CCDC12: variants seen among roughly 807,000 people sequenced by gnomAD.
CCDC12 encodes the protein coiled-coil domain containing 12.
CCDC12 carries 28 observed loss-of-function variants against 25.7 expected under a neutral mutation model. The observed-to-expected ratio is 1.09, with a 90% CI of 0.81 to 1.50. The LOEUF (loss-of-function observed/expected upper bound fraction) is 1.50, where lower values mean the gene tolerates loss of function less well. Among genes scored for constraint, CCDC12 ranks in the 40% most tolerant of loss-of-function variants. The probability of loss-of-function intolerance (pLI) is 0.00; values close to 1 mark genes in which losing one functional copy is unlikely to be tolerated. For missense variants in CCDC12, 198 were observed against 210.0 expected, an observed-to-expected ratio of 0.94 and a Z score of 0.35; for synonymous variants, 75 against 87.7, an observed-to-expected ratio of 0.86 and a Z score of 0.81.
At chr3:46,966,495 G>A (rs376283817) in intron 1 of CCDC12, among the ~76,000 whole-genome samples, 406 of 151,838 alleles carry the variant, frequency 2.7e-3, no homozygotes, top group Non-Finnish European at 4.9e-3. Context: ...CAGCCTGGGC[G>A]ACAGAGTGAG....
chr3:46,923,122 G>GCCTGAGCCCCACT, intron 5 of CCDC12: 1 of 453,690 alleles, frequency 2.2e-6, no homozygotes, highest in Non-Finnish European at 3.6e-6. Context: ...TGCTCCCCGC[G>GCCTGAGCCCCACT]CCTGAGCCCC....
chr3:46,932,615 T>C (rs2033274846), intron 2 of CCDC12, among the ~76,000 whole-genome samples: 3 of 152,182 alleles, frequency 2.0e-5, no homozygotes, highest in African/African-American at 7.2e-5. Context: ...ACAAGGTCTA[T>C]TGGAGCACAT....
At chr3:46,968,455 T>C (rs1199620661) in intron 1 of CCDC12, among the ~76,000 whole-genome samples, 2 of 152,126 alleles carry the variant, frequency 1.3e-5, no homozygotes, top group Non-Finnish European at 1.5e-5. Flanking sequence ...GGCATCCACG[T>C]TTATAAAAGG....
At chr3:46,928,458 CTG>C (rs970780815) in intron 2 of CCDC12, among the ~76,000 whole-genome samples, 8 of 152,142 alleles carry the variant, frequency 5.3e-5, no homozygotes, top group Non-Finnish European at 8.8e-5. Flanking sequence ...GCAAAAATAA[CTG>C]TGGTTTTTGC....
chr3:46,941,961 T>C (rs2033727761), intron 1 of CCDC12, among the ~76,000 whole-genome samples: 1 of 152,244 alleles, frequency 6.6e-6, no homozygotes, highest in Non-Finnish European at 1.5e-5. Context: ...GCAAGGGGAA[T>C]TAGTCTGAAG....
chr3:46,925,655 A>G (rs1159864846), intron 2 of CCDC12, 120 bp from the exon 3 acceptor site: 2 of 858,660 alleles, frequency 2.3e-6, no homozygotes, highest in African/African-American at 1.7e-5. Flanking sequence ...CTCTGGAGAT[A>G]GCCTGGTAAG....
chr3:46,959,928 G>A (rs1388155135), intron 1 of CCDC12, among the ~76,000 whole-genome samples: 1 of 152,154 alleles, frequency 6.6e-6, no homozygotes, highest in Non-Finnish European at 1.5e-5. Flanking sequence ...TATGCAGCCT[G>A]GGACAAAGCC....
At chr3:46,944,815 C>T (rs1266669056) in intron 1 of CCDC12, among the ~76,000 whole-genome samples, 1 of 152,176 alleles carries the variant, frequency 6.6e-6, no homozygotes, top group Non-Finnish European at 1.5e-5. Context: ...TTCAAAGATA[C>T]TGGTCAGACC....
chr3:46,973,774 G>A (rs902739772), intron 1 of CCDC12, among the ~76,000 whole-genome samples: 4 of 151,878 alleles, frequency 2.6e-5, no homozygotes, highest in African/African-American at 7.2e-5. Context: ...CACCGCGCTC[G>A]GCTAATTTTT....
intron 1 of CCDC12, among the ~76,000 whole-genome samples, chr3:46,970,292 T>TTC (rs2034766137): frequency 6.6e-6 from 1 of 151,708 alleles, no homozygotes; most frequent in Admixed American, 6.6e-5. Context: ...TGATTTTTTT[T>TTC]TTAAAGCTCA....
At chr3:46,976,970 G>GAAAA, upstream of CCDC12, 1 of 190,056 alleles carries the variant, frequency 5.3e-6, no homozygotes. Flanking sequence ...AAAAAAAAAA[G>GAAAA]AAAAAAAAAA....
intron 1 of CCDC12, among the ~76,000 whole-genome samples, chr3:46,949,315 T>C (rs974590840): frequency 2.0e-5 from 3 of 151,962 alleles, no homozygotes; most frequent in African/African-American, 7.3e-5. Context: ...ACCAGAACCA[T>C]TAGTATGCAA....
chr3:46,980,055 G>A (rs1316269395), upstream of CCDC12: 7 of 158,064 alleles, frequency 4.4e-5, no homozygotes, highest in Non-Finnish European at 2.8e-5. Flanking sequence ...GCATGCTCCG[G>A]CTCCGCACAC....
At chr3:46,945,673 G>C (rs1170622286) in intron 1 of CCDC12, among the ~76,000 whole-genome samples, 2 of 152,128 alleles carry the variant, frequency 1.3e-5, no homozygotes, top group African/African-American at 4.8e-5. Context: ...GTTTTATTTG[G>C]GAAAATATTT....
rs1296994025 is a variant in CCDC12 at position 46,925,069 on chromosome 3, C to T, written c.244+387G>A. ...CTGCTGTGTGTGGCTGAATGACTGG[C>T]CCCTGTCTCTGACCCACCCAGGGCC... is the stretch of plus-strand genomic sequence containing the variant. On this transcript the variant is annotated intron_variant, in intron 3 of 6. Transcript: ENST00000683445. 14 of 373,756 alleles carry T rather than the reference C, an allele frequency of 3.7e-5. No individual in the cohort carries two copies. In the East Asian group the frequency reaches 9.1e-4, roughly 24 times the overall value. 23.2% of individuals were successfully genotyped at this position (373,756 alleles called of 1,614,324 possible). A position where few individuals can be genotyped will look rare whatever the true frequency, so the allele number is the denominator to read the frequency against.
intron 1 of CCDC12, among the ~76,000 whole-genome samples, chr3:46,949,821 G>T (rs2034043510): frequency 1.3e-5 from 2 of 152,138 alleles, no homozygotes; most frequent in Admixed American, 1.3e-4. Flanking sequence ...AAGGTCAGGA[G>T]TTCGAGACCA....
chr3:46,972,415 A>C (rs1399927099), intron 1 of CCDC12, among the ~76,000 whole-genome samples: 1 of 152,262 alleles, frequency 6.6e-6, no homozygotes, highest in African/African-American at 2.4e-5. Flanking sequence ...TAATATCCAG[A>C]ATATATGAAC....
chr3:46,964,273 C>A (rs1378675370), intron 1 of CCDC12, among the ~76,000 whole-genome samples: 2 of 151,238 alleles, frequency 1.3e-5, no homozygotes, highest in African/African-American at 2.4e-5. Flanking sequence ...CCACCCCGTC[C>A]GGGAGGGAGG....
intron 1 of CCDC12, among the ~76,000 whole-genome samples, chr3:46,951,705 G>C (rs1240437390): frequency 7.0e-6 from 1 of 143,544 alleles, no homozygotes; most frequent in Non-Finnish European, 1.5e-5. Flanking sequence ...GCGTGAACTA[G>C]GGAGGCGGAG....
Sources: gnomAD v4.1 joint callset for allele counts (sites outside exome capture counted in the v4.1 genomes callset) on GRCh38, gnomAD v4.1.1 for gene constraint, MANE v1.5 for transcripts, NCBI Gene and HGNC (gene_info 2026-07-23, HGNC 2026-07-21) for gene names.